The following GDAP2 variants were observed in gnomAD, a reference collection of about 807,000 sequenced individuals.
GDAP2 encodes ganglioside-induced differentiation-associated protein 2.
Under a neutral mutation model 67.0 loss-of-function variants are expected in GDAP2, and 51 were observed. The observed-to-expected ratio is 0.76, with a 90% CI of 0.61 to 0.96. The LOEUF (loss-of-function observed/expected upper bound fraction) is 0.96. GDAP2 is among the 40% of genes least tolerant of loss of function. The pLI is 0.00. For missense variants in GDAP2, 547 were observed against 588.3 expected (o/e 0.93, Z 0.73); for synonymous variants, 203 against 207.3 (o/e 0.98, Z 0.18).
At chr1:117,927,467 G>C (rs1188624180) in intron 1 of GDAP2, among the ~76,000 whole-genome samples, 1 of 152,116 alleles carries the variant, frequency 6.6e-6, no homozygotes, top group African/African-American at 2.4e-5. Flanking sequence ...TGCTTACATT[G>C]ATCAGACCAG....
chr1:117,880,144 C>T (rs1648602708), intron 12 of GDAP2, among the ~76,000 whole-genome samples: 1 of 152,090 alleles, frequency 6.6e-6, no homozygotes, highest in African/African-American at 2.4e-5. Flanking sequence ...ATAATCACAC[C>T]ACTGCACTCC....
intron 6 of GDAP2, among the ~76,000 whole-genome samples, chr1:117,899,793 A>C (rs2101139616): frequency 6.6e-6 from 1 of 152,274 alleles, no homozygotes; most frequent in South Asian, 2.1e-4. Flanking sequence ...TAGTGCTCTT[A>C]TTTGTCCTAT....
chr1:117,888,794 C>T lies in GDAP2; in HGVS notation c.954-1020G>A, dbSNP rs918970133. Among the ~76,000 whole-genome samples the T allele has an allele frequency of 2.0e-5, 3 of 152,160 alleles. No homozygotes were observed. In the East Asian group the frequency reaches 5.8e-4, roughly 29 times the overall value. ...GTGCAAACTTACTAAAGTCATTTAC[C>T]TTTATGGAATTCAGTTTCCTCACCT... On this transcript the variant is annotated intron_variant, in intron 8 of 13. Coordinates refer to ENST00000369443, the MANE Select transcript of GDAP2 (RefSeq NM_017686.4).
At chr1:117,926,242 C>A (rs1376224488) in intron 1 of GDAP2, among the ~76,000 whole-genome samples, 1 of 152,200 alleles carries the variant, frequency 6.6e-6, no homozygotes, top group Non-Finnish European at 1.5e-5. Context: ...AATAACTTCC[C>A]AAATGTCAAA....
At chr1:117,897,370 A>G (rs1284721379) in intron 7 of GDAP2, among the ~76,000 whole-genome samples, 1 of 152,238 alleles carries the variant, frequency 6.6e-6, no homozygotes, top group African/African-American at 2.4e-5. Flanking sequence ...GGGAAGGTTT[A>G]TATAGCACTG....
Position 117,866,889 on chromosome 1 carries a change from AAAAG to A in GDAP2, c.*3676_*3679del, listed in dbSNP as rs1378208279. ...CCTTTAAAAAAAAAAAAGAAAAAGA[AAAAG>A]AAACCTAACTAACTCCAGTTTTCAA... On this transcript the variant is annotated 3_prime_UTR_variant, in exon 14 of 14. Coordinates refer to ENST00000369443, the MANE Select transcript of GDAP2 (RefSeq NM_017686.4). The A allele has an allele frequency of 2.6e-5, 4 of 151,894 alleles. No homozygotes were observed. Among genetic ancestry groups the A allele is most frequent in the Admixed American group, 6.6e-5 (1 of 15,252 alleles). The allele number at this position is 151,894 out of a possible 1,614,324, so 9.4% of individuals were successfully genotyped here. A position where few individuals can be genotyped will look rare whatever the true frequency, so the allele number is the denominator to read the frequency against.
At chr1:117,898,707 A>C (rs1448690044) in intron 7 of GDAP2, among the ~76,000 whole-genome samples, 1 of 152,194 alleles carries the variant, frequency 6.6e-6, no homozygotes, top group Non-Finnish European at 1.5e-5. Flanking sequence ...TTTAATGTTA[A>C]GTATGATTTT....
chr1:117,886,509 C>T (rs74849731), intron 10 of GDAP2, 68 bp downstream of exon 10: 15,763 of 873,598 alleles, frequency 0.018, 214 homozygotes, highest in Non-Finnish European at 0.025. Flanking sequence ...GGCCTTGATT[C>T]CAAATTCATA....
At chr1:117,911,968 T>C (rs780561522) in intron 5 of GDAP2, 26 bp downstream of exon 5, 18 of 1,292,584 alleles carry the variant, frequency 1.4e-5, no homozygotes, top group Middle Eastern at 1.8e-4. Context: ...ATTCAATTCA[T>C]GTACAGCATC....
At chr1:117,872,621 A>C (rs1346364424) in intron 13 of GDAP2, among the ~76,000 whole-genome samples, 2 of 151,390 alleles carry the variant, frequency 1.3e-5, no homozygotes, top group African/African-American at 4.9e-5. Flanking sequence ...GTTCTCACTT[A>C]CAAGTAGGAG....
At chr1:117,917,500 T>A (rs1318549086) in intron 3 of GDAP2, among the ~76,000 whole-genome samples, 4 of 152,170 alleles carry the variant, frequency 2.6e-5, no homozygotes, top group Admixed American at 2.0e-4. Flanking sequence ...GTTTTTTCCA[T>A]CTCCAAATAT....
intron 10 of GDAP2, among the ~76,000 whole-genome samples, chr1:117,885,194 T>A (rs1012310793): frequency 6.6e-6 from 1 of 152,162 alleles, no homozygotes; most frequent in Non-Finnish European, 1.5e-5. Flanking sequence ...TATTCTTTTT[T>A]ATCCTCTTAC....
At chr1:117,924,372 G>A (rs1275468890) in intron 1 of GDAP2, among the ~76,000 whole-genome samples, 2 of 152,208 alleles carry the variant, frequency 1.3e-5, no homozygotes, top group South Asian at 2.1e-4. Context: ...TTATAAGTGA[G>A]ACCATAGGTA....
chr1:117,910,026 C>A (rs1649799339), intron 5 of GDAP2, among the ~76,000 whole-genome samples: 1 of 152,074 alleles, frequency 6.6e-6, no homozygotes, highest in African/African-American at 2.4e-5. Context: ...CAGAGACCAG[C>A]CAAAAGCCTT....
intron 13 of GDAP2, among the ~76,000 whole-genome samples, chr1:117,875,011 G>T (rs1248521617): frequency 6.6e-6 from 1 of 152,100 alleles, no homozygotes; most frequent in Non-Finnish European, 1.5e-5. Flanking sequence ...TGAGAGCAAA[G>T]AAATGACAAA....
At chr1:117,911,419 C>T (rs961728481) in intron 5 of GDAP2, among the ~76,000 whole-genome samples, 2 of 152,164 alleles carry the variant, frequency 1.3e-5, no homozygotes, top group African/African-American at 2.4e-5. Flanking sequence ...GCATTTGTTA[C>T]AGACTGTTAA....
At chr1:117,901,566 G>C (rs182513322) in intron 6 of GDAP2, among the ~76,000 whole-genome samples, 1 of 152,236 alleles carries the variant, frequency 6.6e-6, no homozygotes, top group East Asian at 1.9e-4. Flanking sequence ...CATGTTAGTG[G>C]GTGTGAAGTG....
Position 117,868,267 on chromosome 1 carries a change from G to A in GDAP2, c.*2302C>T, listed in dbSNP as rs539594143. The A allele has an allele frequency of 6.6e-6, 1 of 152,284 alleles. No homozygotes were observed. The highest frequency in any genetic ancestry group is 2.1e-4 in the South Asian group (1 of 4,824). The allele number at this position is 152,284 out of a possible 1,614,324, so 9.4% of individuals were successfully genotyped here. ...ACACTTTAGACATCTATAAAAGCATGAACTTGGTCCCACATCAAATTTAGT... is the reference window on the plus strand; with the variant it reads ...ACACTTTAGACATCTATAAAAGCATAAACTTGGTCCCACATCAAATTTAGT... On this transcript the variant is annotated 3_prime_UTR_variant, in exon 14 of 14. Transcript: ENST00000369443.
intron 9 of GDAP2, among the ~76,000 whole-genome samples, chr1:117,887,092 C>T (rs1269197548): frequency 6.6e-6 from 1 of 151,978 alleles, no homozygotes; most frequent in African/African-American, 2.4e-5. Context: ...CCACACCTGG[C>T]TAATTTTTTC....
Sources: allele counts gnomAD v4.1 joint callset (sites outside exome capture counted in the v4.1 genomes callset), GRCh38; gene constraint gnomAD v4.1.1; transcripts MANE v1.5; gene names NCBI Gene and HGNC (gene_info 2026-07-23, HGNC 2026-07-21).